The following CLSTN2 variants were observed in gnomAD, a reference collection of about 807,000 sequenced individuals.
CLSTN2 encodes the protein calsyntenin 2.
Under a neutral mutation model 101.2 loss-of-function variants are expected in CLSTN2, and 48 were observed. That is an observed-to-expected ratio of 0.47 (90% CI 0.38 to 0.60). The LOEUF (loss-of-function observed/expected upper bound fraction) is 0.60. CLSTN2 is among the 20% of genes least tolerant of loss of function. The pLI is 0.00. For missense variants in CLSTN2, 1,160 were observed against 1,238.2 expected (o/e 0.94, Z 0.95); for synonymous variants, 481 against 463.6 (o/e 1.04, Z -0.48).
intron 1 of CLSTN2, among the ~76,000 whole-genome samples, chr3:139,980,255 C>A (rs536271700): frequency 1.3e-5 from 2 of 152,242 alleles, no homozygotes; most frequent in South Asian, 2.1e-4. Context: ...TCTGTCCCCA[C>A]CTTTCTCAGC....
At chr3:140,436,324 C>T (rs2108001001) in intron 5 of CLSTN2, among the ~76,000 whole-genome samples, 1 of 152,294 alleles carries the variant, frequency 6.6e-6, no homozygotes, top group Non-Finnish European at 1.5e-5. Context: ...TTCCCAGCAC[C>T]ACTTAATGAA....
At chr3:140,478,616 T>C (rs1044744227) in intron 8 of CLSTN2, among the ~76,000 whole-genome samples, 1 of 152,188 alleles carries the variant, frequency 6.6e-6, no homozygotes, top group Admixed American at 6.5e-5. Context: ...AGCACAGACT[T>C]TTTTTGGATA....
At chr3:140,091,441 T>TG (rs1560091824) in intron 1 of CLSTN2, among the ~76,000 whole-genome samples, 1 of 152,050 alleles carries the variant, frequency 6.6e-6, no homozygotes, top group Non-Finnish European at 1.5e-5. Flanking sequence ...CTGCCTTCCT[T>TG]GGGGGAAGGA....
intron 2 of CLSTN2, among the ~76,000 whole-genome samples, chr3:140,250,302 C>T (rs1006592959): frequency 6.6e-6 from 1 of 152,106 alleles, no homozygotes; most frequent in Non-Finnish European, 1.5e-5. Flanking sequence ...CGGATATGGT[C>T]CTGTCTTTGG....
At chr3:140,504,851 AT>A (rs1372007701) in intron 8 of CLSTN2, among the ~76,000 whole-genome samples, 1 of 152,014 alleles carries the variant, frequency 6.6e-6, no homozygotes, top group Non-Finnish European at 1.5e-5. Flanking sequence ...TTTTGTTTTG[AT>A]TTTTTGGGGG....
At chr3:140,034,652 A>G (rs2350273) in intron 1 of CLSTN2, among the ~76,000 whole-genome samples, 151,561 of 152,332 alleles carry the variant, frequency 0.99, 75,403 homozygotes, top group Middle Eastern at 1. Context: ...TCCAGCCTCC[A>G]AAGCTCTGGG....
intron 7 of CLSTN2, 137 bp from the exon 8 acceptor site, chr3:140,466,473 C>T: frequency 2.1e-6 from 2 of 963,602 alleles, no homozygotes; most frequent in East Asian, 2.4e-5. Flanking sequence ...ATCATCAGAG[C>T]CTGTTGTAAA....
At chr3:140,327,548 G>A (rs1438969506) in intron 2 of CLSTN2, among the ~76,000 whole-genome samples, 3 of 152,228 alleles carry the variant, frequency 2.0e-5, no homozygotes, top group African/African-American at 7.2e-5. Context: ...AGGGAATTGG[G>A]GAAAACCTCT....
At chr3:140,463,882 G>T (rs1475007946) in intron 7 of CLSTN2, among the ~76,000 whole-genome samples, 1 of 152,182 alleles carries the variant, frequency 6.6e-6, no homozygotes, top group African/African-American at 2.4e-5. Flanking sequence ...TGCTGGAGGG[G>T]ATTCCTGAGA....
intron 1 of CLSTN2, among the ~76,000 whole-genome samples, chr3:139,981,871 C>G (rs1454647861): frequency 6.6e-6 from 1 of 152,206 alleles, no homozygotes; most frequent in African/African-American, 2.4e-5. Flanking sequence ...CACTGGGAAT[C>G]ACAGGTAGAG....
At chr3:140,451,079 T>A (rs1933236612) in intron 6 of CLSTN2, among the ~76,000 whole-genome samples, 1 of 152,184 alleles carries the variant, frequency 6.6e-6, no homozygotes, top group Non-Finnish European at 1.5e-5. Context: ...TACCCTACTT[T>A]GCTCCCCATG....
At chr3:140,416,785 C>G (rs1246197880) in intron 4 of CLSTN2, among the ~76,000 whole-genome samples, 2 of 152,226 alleles carry the variant, frequency 1.3e-5, no homozygotes. Flanking sequence ...GCGGTAGGCT[C>G]TCAACGACAC....
chr3:140,346,021 G>C (rs1404926636), intron 2 of CLSTN2, among the ~76,000 whole-genome samples: 1 of 152,174 alleles, frequency 6.6e-6, no homozygotes, highest in African/African-American at 2.4e-5. Flanking sequence ...TCTCCATCCA[G>C]AGAAGTGAGT....
At chr3:140,289,996 A>G (rs2086933371) in intron 2 of CLSTN2, among the ~76,000 whole-genome samples, 1 of 150,564 alleles carries the variant, frequency 6.6e-6, no homozygotes. Flanking sequence ...TGATCAGCCT[A>G]CTAGATGCTG....
At chr3:140,012,814 AGG>A (rs1159586405) in intron 1 of CLSTN2, among the ~76,000 whole-genome samples, 1 of 152,226 alleles carries the variant, frequency 6.6e-6, no homozygotes, top group African/African-American at 2.4e-5. Context: ...TAACACAGTG[AGG>A]AAGGTCAGAA....
chr3:140,095,238 A>G (rs565232791), intron 1 of CLSTN2, among the ~76,000 whole-genome samples: 2 of 152,284 alleles, frequency 1.3e-5, no homozygotes, highest in Admixed American at 6.5e-5. Flanking sequence ...ATAGAGTGGT[A>G]GAACAAATAA....
chr3:140,002,158 T>G (rs1180618457), intron 1 of CLSTN2, among the ~76,000 whole-genome samples: 1 of 152,184 alleles, frequency 6.6e-6, no homozygotes. Flanking sequence ...TTCTCTGTAG[T>G]GGGATGTACT....
At chr3:140,396,904 G>A (rs1418198350) in intron 2 of CLSTN2, among the ~76,000 whole-genome samples, 1 of 152,098 alleles carries the variant, frequency 6.6e-6, no homozygotes, top group Admixed American at 6.6e-5. Flanking sequence ...AAAAACAGCA[G>A]TTCTCATGTT....
At position 140,236,707 on chromosome 3, in the gene CLSTN2, T is replaced by C. The variant is rs957944371; in HGVS notation, c.232+60634T>C. Among the ~76,000 whole-genome samples, 4 of 152,194 alleles carry C rather than the reference T, an allele frequency of 2.6e-5. No individual in the cohort carries two copies. In the South Asian group the frequency reaches 6.2e-4, roughly 24 times the overall value. On this transcript the variant is annotated intron_variant, in intron 2 of 16. Transcript: ENST00000458420. ...TCACTTTGTATAGTTTCTATTGCTA[T>C]GTCTTCAAGTTCACCACTCTTTCTC...
Sources: gnomAD v4.1 joint callset for allele counts (sites outside exome capture counted in the v4.1 genomes callset) on GRCh38, gnomAD v4.1.1 for gene constraint, MANE v1.5 for transcripts, NCBI Gene and HGNC (gene_info 2026-07-23, HGNC 2026-07-21) for gene names.